The following SLC4A5 variants were observed in gnomAD, a reference collection of about 807,000 sequenced individuals.
SLC4A5 encodes the protein electrogenic sodium bicarbonate cotransporter 4.
In SLC4A5, 96 loss-of-function variants were observed where a neutral mutation model predicts 120.4. The ratio of observed to expected loss-of-function variants is 0.80; its 90% confidence interval spans 0.68 to 0.94. The LOEUF is 0.94. Ranked by LOEUF, SLC4A5 falls within the 40% of genes least tolerant of loss-of-function variation. The pLI, the probability that SLC4A5 is intolerant of heterozygous loss-of-function variation, is 0.00. For missense variants in SLC4A5, 1,259 were observed against 1,459.5 expected (o/e 0.86, Z 2.24); for synonymous variants, 550 against 571.1 (o/e 0.96, Z 0.53).
rs754977921 is a variant in SLC4A5 at position 74,221,552 on chromosome 2, T to C, written c.3332-51A>G. 9 of 1,565,750 alleles carry C rather than the reference T, an allele frequency of 5.7e-6. 1 individual carries two copies. In the Admixed American group the frequency reaches 1.5e-4, roughly 26 times the overall value. ...ATGTGGAGCAGGTTTGAGCACCATA[T>C]TTCTCCGGGCTTCCCCCACCATTTC... is the stretch of plus-strand genomic sequence containing the variant. On this transcript the variant is annotated intron_variant, in intron 29 of 30. Coordinates refer to ENST00000394019, the Ensembl canonical transcript of SLC4A5.
At chr2:74,318,220 A>T (rs555397365) in intron 5 of SLC4A5, among the ~76,000 whole-genome samples, 3 of 152,362 alleles carry the variant, frequency 2.0e-5, no homozygotes, top group Admixed American at 6.5e-5. Flanking sequence ...AAAGAAAAAA[A>T]CAAATAACCC....
At chr2:74,263,524 T>C (rs1671207130) in intron 10 of SLC4A5, among the ~76,000 whole-genome samples, 1 of 152,166 alleles carries the variant, frequency 6.6e-6, no homozygotes, top group Non-Finnish European at 1.5e-5. Context: ...ATACTGATAG[T>C]GGAATGTTGG....
intron 7 of SLC4A5, 138 bp from the exon 8 acceptor site, chr2:74,286,040 T>C (rs753097311): frequency 3.9e-5 from 38 of 969,340 alleles, no homozygotes; most frequent in Non-Finnish European, 5.0e-5. Context: ...AGCTCCTGGG[T>C]GATGCTGGCC....
chr2:74,267,698 G>C (rs1200321682), intron 8 of SLC4A5, among the ~76,000 whole-genome samples: 1 of 152,224 alleles, frequency 6.6e-6, no homozygotes, highest in Non-Finnish European at 1.5e-5. Context: ...AGTGTAGCAA[G>C]AGTGCAGTCT....
chr2:74,227,581 A>C (rs547538053), intron 26 of SLC4A5: 1 of 1,580,600 alleles, frequency 6.3e-7, no homozygotes, highest in Non-Finnish European at 8.7e-7. Context: ...AATGGGGATC[A>C]GAGGACCTAA....
intron 7 of SLC4A5, among the ~76,000 whole-genome samples, chr2:74,303,077 G>A (rs568347533): frequency 1.7e-4 from 25 of 150,302 alleles, no homozygotes; most frequent in Admixed American, 2.7e-4. Flanking sequence ...TGTGTGTGTG[G>A]TGTGTGTCTG....
At chr2:74,321,592 T>G (rs1002384903) in intron 5 of SLC4A5, among the ~76,000 whole-genome samples, 3 of 152,158 alleles carry the variant, frequency 2.0e-5, no homozygotes, top group Non-Finnish European at 4.4e-5. Flanking sequence ...CTGGGTCATC[T>G]GACAAAGGAC....
intron 22 of SLC4A5, among the ~76,000 whole-genome samples, chr2:74,234,354 TA>T (rs2103922396): frequency 6.6e-6 from 1 of 152,256 alleles, no homozygotes; most frequent in Non-Finnish European, 1.5e-5. Context: ...AATTTTTTAG[TA>T]TCTGTAGTAG....
chr2:74,338,395 G>C (rs544395152), intron 3 of SLC4A5, among the ~76,000 whole-genome samples: 13 of 152,116 alleles, frequency 8.5e-5, no homozygotes, highest in Non-Finnish European at 1.6e-4. Context: ...CTTTCAGATC[G>C]GCAGATATCA....
chr2:74,318,951 C>G (rs1014292833), intron 5 of SLC4A5, among the ~76,000 whole-genome samples: 2 of 151,926 alleles, frequency 1.3e-5, no homozygotes, highest in African/African-American at 4.8e-5. Context: ...TGGAATCAAC[C>G]TAAGTGTAAT....
At chr2:74,265,135 A>C in exon 9 of SLC4A5, 1 of 1,614,062 alleles carries the variant, frequency 6.2e-7, no homozygotes, top group Non-Finnish European at 8.5e-7. Context: ...CACTGTCCAA[A>C]TCCAGCAGCA....
chr2:74,247,387 G>T, intron 18 of SLC4A5, 80 bp from the exon 19 acceptor site: 1 of 1,460,258 alleles, frequency 6.8e-7, no homozygotes, highest in Non-Finnish European at 9.2e-7. Context: ...ATCCTTAAGT[G>T]GCTTATCTGT....
intron 6 of SLC4A5, among the ~76,000 whole-genome samples, chr2:74,312,834 G>A (rs1352092102): frequency 6.6e-6 from 1 of 152,136 alleles, no homozygotes; most frequent in Non-Finnish European, 1.5e-5. Flanking sequence ...TCGGGAGGCT[G>A]AGGCATGAGA....
intron 16 of SLC4A5, 143 bp from the exon 17 acceptor site, chr2:74,250,660 T>C (rs1428049998): frequency 1.0e-6 from 1 of 957,008 alleles, no homozygotes. Context: ...CACCAGAACA[T>C]TTAGGGCCAG....
At chr2:74,308,862 T>C (rs370993263) in intron 6 of SLC4A5, among the ~76,000 whole-genome samples, 1 of 152,124 alleles carries the variant, frequency 6.6e-6, no homozygotes, top group African/African-American at 2.4e-5. Flanking sequence ...ATTATACATT[T>C]AGGTTTAAGA....
At chr2:74,338,473 G>A (rs1673547557) in intron 3 of SLC4A5, among the ~76,000 whole-genome samples, 1 of 152,212 alleles carries the variant, frequency 6.6e-6, no homozygotes, top group South Asian at 2.1e-4. Context: ...GTGAGATGCA[G>A]ATAAGCACAG....
chr2:74,257,853 T>C (rs1671018684), intron 12 of SLC4A5, among the ~76,000 whole-genome samples: 1 of 152,064 alleles, frequency 6.6e-6, no homozygotes, highest in Non-Finnish European at 1.5e-5. Context: ...GAATTACAGG[T>C]GTGTGCCACC....
chr2:74,262,342 T>G, intron 10 of SLC4A5, 110 bp from the exon 11 acceptor site: 4 of 633,798 alleles, frequency 6.3e-6, no homozygotes, highest in Admixed American at 3.0e-5. Flanking sequence ...GACATGTCTC[T>G]TCCCCTTCTG....
intron 4 of SLC4A5, among the ~76,000 whole-genome samples, chr2:74,333,776 C>T (rs1673422141): frequency 6.6e-6 from 1 of 152,188 alleles, no homozygotes. Flanking sequence ...GGACGGATTC[C>T]CTTCCATCTC....
Sources: allele counts gnomAD v4.1 joint callset (sites outside exome capture counted in the v4.1 genomes callset), GRCh38; gene constraint gnomAD v4.1.1; transcripts MANE v1.5; gene names NCBI Gene and HGNC (gene_info 2026-07-23, HGNC 2026-07-21).